The following ASPH variants were observed in gnomAD, a reference collection of about 807,000 sequenced individuals.
The protein encoded by ASPH is aspartate beta-hydroxylase.
Under a neutral mutation model 118.4 loss-of-function variants are expected in ASPH, and 100 were observed. That is an observed-to-expected ratio of 0.84 (90% CI 0.72 to 1.00). The LOEUF (loss-of-function observed/expected upper bound fraction) is 1.00. ASPH is among the 50% of genes least tolerant of loss of function. The pLI is 0.00. For missense variants in ASPH, 920 were observed against 919.5 expected, an observed-to-expected ratio of 1.00 and a Z score of -0.01; for synonymous variants, 315 against 325.6, an observed-to-expected ratio of 0.97 and a Z score of 0.35.
intron 3 of ASPH, among the ~76,000 whole-genome samples, chr8:61,674,114 T>C (rs1824033995): frequency 6.6e-6 from 1 of 152,246 alleles, no homozygotes; most frequent in African/African-American, 2.4e-5. Context: ...TCTTATCAAT[T>C]AATCGAATAT....
chr8:61,699,381 T>C (rs1189114235), intron 1 of ASPH, among the ~76,000 whole-genome samples: 1 of 152,236 alleles, frequency 6.6e-6, no homozygotes. Context: ...AATATTTGTT[T>C]ATAAATTCCA....
At chr8:61,578,226 A>G in intron 15 of ASPH, 1 of 1,576,196 alleles carries the variant, frequency 6.3e-7, no homozygotes, top group Non-Finnish European at 8.6e-7. Context: ...CACCATGTCC[A>G]TCAGGGTGAT....
intron 1 of ASPH, among the ~76,000 whole-genome samples, chr8:61,711,490 G>C (rs1158006022): frequency 1.3e-5 from 2 of 151,858 alleles, no homozygotes; most frequent in East Asian, 3.9e-4. Flanking sequence ...TGAAAAAAAA[G>C]TAAAATTGAA....
chr8:61,656,463 A>AT (rs1813733722), intron 3 of ASPH: 1 of 152,006 alleles, frequency 6.6e-6, no homozygotes, highest in Admixed American at 6.6e-5. Context: ...GCTTGAGGAA[A>AT]TTTTTTCCAG....
chr8:61,552,410 T>A (rs1826340247), intron 20 of ASPH, among the ~76,000 whole-genome samples: 1 of 152,354 alleles, frequency 6.6e-6, no homozygotes, highest in South Asian at 2.1e-4. Context: ...AACATGGAAC[T>A]TTTTTAGCTA....
chr8:61,564,175 A>G (rs1194338956), intron 17 of ASPH, among the ~76,000 whole-genome samples: 5 of 152,220 alleles, frequency 3.3e-5, no homozygotes, highest in African/African-American at 9.7e-5. Context: ...TAAAAAATCA[A>G]TATTAATGTA....
At chr8:61,617,476 C>T (rs926147830) in intron 14 of ASPH, among the ~76,000 whole-genome samples, 3 of 152,110 alleles carry the variant, frequency 2.0e-5, no homozygotes, top group African/African-American at 2.4e-5. Context: ...CTAAATATAT[C>T]GGAAGATCCA....
intron 15 of ASPH, chr8:61,578,895 C>T (rs1836349024): frequency 1.2e-6 from 2 of 1,612,138 alleles, no homozygotes; most frequent in Admixed American, 1.7e-5. Flanking sequence ...CTTCCTCAGG[C>T]AGCTGTACGA....
intron 13 of ASPH, chr8:61,625,646 A>G: frequency 1.2e-6 from 1 of 862,428 alleles, no homozygotes; most frequent in Non-Finnish European, 1.4e-6. Flanking sequence ...GAAATATTAA[A>G]TTTTTCTAAT....
rs191475812 is a variant in ASPH at position 61,686,589 on chromosome 8, A to G, written c.104-2401T>C. 1.7e-3 allele frequency among the ~76,000 whole-genome samples: 265 copies of G among 152,344 alleles called. 1 individual carries two copies. The highest frequency in any genetic ancestry group is 5.9e-3 in the African/African-American group (247 of 41,568). Reference sequence around the variant, plus strand: ...TATCCAAAAAAGAACGCTTATTTCTATATAACATACAGACATATGCGTACA... The same window carrying G: ...TATCCAAAAAAGAACGCTTATTTCTGTATAACATACAGACATATGCGTACA... On this transcript the variant is annotated intron_variant, in intron 1 of 24. Transcript: ENST00000379454.
At chr8:61,604,370 A>C (rs1005566036) in intron 14 of ASPH, among the ~76,000 whole-genome samples, 1 of 152,250 alleles carries the variant, frequency 6.6e-6, no homozygotes, top group Non-Finnish European at 1.5e-5. Flanking sequence ...GAGGAAAAAA[A>C]GACTTGAAAA....
intron 1 of ASPH, among the ~76,000 whole-genome samples, chr8:61,711,425 TA>T (rs1397335873): frequency 6.6e-6 from 1 of 152,040 alleles, no homozygotes; most frequent in Non-Finnish European, 1.5e-5. Flanking sequence ...ATATGCAAAA[TA>T]AAGGTAGGAA....
At chr8:61,696,697 C>T (rs1834003020) in intron 1 of ASPH, among the ~76,000 whole-genome samples, 1 of 151,404 alleles carries the variant, frequency 6.6e-6, no homozygotes, top group Non-Finnish European at 1.5e-5. Flanking sequence ...ATTCAATTGT[C>T]CACATGGGTG....
chr8:61,510,147 T>A (rs937771239), intron 24 of ASPH, among the ~76,000 whole-genome samples: 1 of 152,170 alleles, frequency 6.6e-6, no homozygotes, highest in African/African-American at 2.4e-5. Flanking sequence ...ACTTTATAAA[T>A]ACAGTTCTGA....
chr8:61,702,890 A>C (rs559398660), intron 1 of ASPH, among the ~76,000 whole-genome samples: 224 of 152,340 alleles, frequency 1.5e-3, no homozygotes, highest in Admixed American at 4.4e-3. Flanking sequence ...CAGAGAAAAT[A>C]TTCCGTACTA....
intron 3 of ASPH, chr8:61,663,755 T>C (rs2151317693): frequency 2.1e-6 from 2 of 970,492 alleles, no homozygotes; most frequent in Non-Finnish European, 1.2e-6. Flanking sequence ...ATTGGAGATA[T>C]TAGATATTCT....
Position 61,621,641 on chromosome 8 carries a change from G to T in ASPH, c.935-2622C>A, listed in dbSNP as rs1850964748. Among the ~76,000 whole-genome samples the T allele has an allele frequency of 2.0e-5, 3 of 152,296 alleles. No homozygotes were observed. The South Asian group carries it at 6.2e-4, about 32-fold the overall frequency. ...TTAAACTTCTCATCATTCATAGGAG[G>T]TAGTTATAATTTTACAAATAAGGCA... On this transcript the variant is annotated intron_variant, in intron 13 of 24. Transcript: ENST00000379454.
At chr8:61,533,918 AT>A (rs1177829716) in intron 21 of ASPH, among the ~76,000 whole-genome samples, 34 of 152,294 alleles carry the variant, frequency 2.2e-4, no homozygotes, top group South Asian at 1.0e-3. Flanking sequence ...GTGCTATTAA[AT>A]GCATGTGCTC....
chr8:61,601,498 C>T (rs2133449795), intron 14 of ASPH, among the ~76,000 whole-genome samples: 1 of 149,828 alleles, frequency 6.7e-6, no homozygotes, highest in South Asian at 2.1e-4. Flanking sequence ...CAAGATTGCG[C>T]CAGTGCACTC....
Sources: gnomAD v4.1 joint callset for allele counts (sites outside exome capture counted in the v4.1 genomes callset) on GRCh38, gnomAD v4.1.1 for gene constraint, MANE v1.5 for transcripts, NCBI Gene and HGNC (gene_info 2026-07-23, HGNC 2026-07-21) for gene names.